Variants in SH3GL3 observed in about 807,000 individuals in gnomAD.
The protein encoded by SH3GL3 is SH3 domain containing GRB2 like 3, endophilin A3.
A neutral mutation model predicts 47.7 loss-of-function variants in SH3GL3; 33 were observed. The ratio of observed to expected loss-of-function variants is 0.69; its 90% CI spans 0.52 to 0.92. The LOEUF (loss-of-function observed/expected upper bound fraction) is 0.92. Among genes scored for constraint, SH3GL3 ranks in the 40% least tolerant of loss-of-function variants. The probability of loss-of-function intolerance (pLI) is 0.00; values close to 1 mark genes in which losing one functional copy is unlikely to be tolerated. For missense variants in SH3GL3, 363 were observed against 417.8 expected, an observed-to-expected ratio of 0.87 and a Z score of 1.14; for synonymous variants, 155 against 148.8, an observed-to-expected ratio of 1.04 and a Z score of -0.30.
At chr15:83,562,030 AACACACAC>A (rs55856428) in intron 2 of SH3GL3, among the ~76,000 whole-genome samples, 7,742 of 132,846 alleles carry the variant, frequency 0.058, 231 homozygotes, top group Non-Finnish European at 0.085. Context: ...ACACACACAC[AACACACAC>A]ACACACACAC....
chr15:83,611,268 C>G (rs2060658994), intron 8 of SH3GL3: 1 of 151,302 alleles, frequency 6.6e-6, no homozygotes, highest in African/African-American at 2.5e-5. Flanking sequence ...CTCTCTCTTT[C>G]TCTTTTTCCT....
At chr15:83,450,804 A>ATTTTTTTTTTTTTTTTTTTTTTTTTTTTT (rs34099509) in intron 1 of SH3GL3, among the ~76,000 whole-genome samples, 1 of 58,790 alleles carries the variant, frequency 1.7e-5, no homozygotes, top group Non-Finnish European at 2.9e-5. Flanking sequence ...TTTTTTTTTA[A>ATTTTTTTTTTTTTTTTTTTTTTTTTTTTT]TTTTTTTTTT....
intron 1 of SH3GL3, among the ~76,000 whole-genome samples, chr15:83,523,037 C>T (rs975982631): frequency 2.4e-4 from 36 of 152,082 alleles, no homozygotes; most frequent in African/African-American, 8.5e-4. Flanking sequence ...TTTAAAATGT[C>T]TTCAATTATA....
chr15:83,537,706 T>C (rs961726426), intron 1 of SH3GL3, among the ~76,000 whole-genome samples: 6 of 152,216 alleles, frequency 3.9e-5, no homozygotes, highest in African/African-American at 9.6e-5. Flanking sequence ...GGAATTTCTC[T>C]GTATCAACTT....
At chr15:83,530,263 C>T (rs543936271) in intron 1 of SH3GL3, among the ~76,000 whole-genome samples, 1 of 152,216 alleles carries the variant, frequency 6.6e-6, no homozygotes, top group East Asian at 1.9e-4. Context: ...CTAGGCAGCT[C>T]CCTGTGCTAG....
At chr15:83,537,437 G>A (rs1014656026) in intron 1 of SH3GL3, among the ~76,000 whole-genome samples, 5 of 152,168 alleles carry the variant, frequency 3.3e-5, no homozygotes, top group African/African-American at 1.2e-4. Flanking sequence ...TACTTACAAG[G>A]CAGATACTGT....
chr15:83,488,941 C>T (rs1019884657), intron 1 of SH3GL3, among the ~76,000 whole-genome samples: 1 of 152,216 alleles, frequency 6.6e-6, no homozygotes, highest in Non-Finnish European at 1.5e-5. Flanking sequence ...GTCTCCCTGA[C>T]CCAGAAGACC....
At chr15:83,578,114 T>C (rs1342594904) in intron 6 of SH3GL3, among the ~76,000 whole-genome samples, 1 of 152,186 alleles carries the variant, frequency 6.6e-6, no homozygotes, top group Non-Finnish European at 1.5e-5. Flanking sequence ...GCCATTTGCT[T>C]TGATTTGATT....
At chr15:83,524,500 A>G (rs949395090) in intron 1 of SH3GL3, among the ~76,000 whole-genome samples, 1 of 152,126 alleles carries the variant, frequency 6.6e-6, no homozygotes, top group African/African-American at 2.4e-5. Context: ...TGTATTTATC[A>G]TTTCCATGTG....
rs878896680 is a variant in SH3GL3 at position 83,618,510 on chromosome 15, G to C, written c.*223G>C. On this transcript the variant is annotated 3_prime_UTR_variant, in exon 9 of 9. Coordinates refer to ENST00000427482, the MANE Select transcript of SH3GL3 (RefSeq NM_003027.5). ...TTCTTTTTTGCTTCCTGTCCTAAAA[G>C]TCATTGGTTAAATGTATTTGCTTCC... The C allele has an allele frequency of 2.6e-5, 13 of 508,502 alleles. No homozygotes were observed. In the South Asian group the frequency reaches 2.8e-4, roughly 11 times the overall value. The allele number at this position is 508,502 out of a possible 1,614,324, so 31.5% of individuals were successfully genotyped here.
intron 1 of SH3GL3, among the ~76,000 whole-genome samples, chr15:83,536,376 G>C (rs2043902943): frequency 7.2e-6 from 1 of 139,618 alleles, no homozygotes; most frequent in African/African-American, 2.7e-5. Flanking sequence ...CCTTGATTCT[G>C]CCTTTTTCTT....
chr15:83,530,610 T>C (rs1231880135), intron 1 of SH3GL3, among the ~76,000 whole-genome samples: 1 of 151,838 alleles, frequency 6.6e-6, no homozygotes, highest in Non-Finnish European at 1.5e-5. Flanking sequence ...CCTCCTCAGG[T>C]CAACTGTTTT....
intron 1 of SH3GL3, among the ~76,000 whole-genome samples, chr15:83,466,177 A>G (rs1011079390): frequency 6.6e-6 from 1 of 152,128 alleles, no homozygotes; most frequent in Non-Finnish European, 1.5e-5. Flanking sequence ...GCGTAATACT[A>G]TATTCACCCA....
chr15:83,606,070 C>G (rs893027102), intron 8 of SH3GL3, among the ~76,000 whole-genome samples: 1 of 151,748 alleles, frequency 6.6e-6, no homozygotes, highest in African/African-American at 2.4e-5. Context: ...TGCTGAAACT[C>G]TTAAAAGGGG....
chr15:83,617,936 G>A lies in SH3GL3; in HGVS notation c.839-146G>A, dbSNP rs1303834975. ...CTGAGGCAGCCAGAGACCACAAACG[G>A]CACCGTGAGCTGGGTGGAGCTGGCC... On this transcript the variant is annotated intron_variant, in intron 8 of 8. Transcript: ENST00000427482. The A allele has an allele frequency of 3.2e-5, 20 of 623,554 alleles. No individual in the cohort carries two copies. The Middle Eastern group carries it at 1.3e-3, about 39-fold the overall frequency. 38.6% of individuals were successfully genotyped at this position (623,554 alleles called of 1,614,324 possible).
At chr15:83,595,140 C>T (rs989245442) in intron 8 of SH3GL3, among the ~76,000 whole-genome samples, 1 of 152,114 alleles carries the variant, frequency 6.6e-6, no homozygotes, top group African/African-American at 2.4e-5. Context: ...AGAAAACGTA[C>T]TACATATATT....
At chr15:83,567,961 TTTTTTTTC>T (rs2045631006) in intron 3 of SH3GL3, among the ~76,000 whole-genome samples, 2 of 148,538 alleles carry the variant, frequency 1.3e-5, no homozygotes, top group South Asian at 2.1e-4. Context: ...TCATTTCTTT[TTTTTTTTC>T]TTTCTTTCTT....
rs576053492 is a variant in SH3GL3, at chr15:83,476,306, C to T, written c.45+28728C>T. ...AGTACAGTACAGTATTTGTTACCATCGCATGAGATAAATATTTGTGTTTGT... is the reference window on the plus strand; with the variant it reads ...AGTACAGTACAGTATTTGTTACCATTGCATGAGATAAATATTTGTGTTTGT... On this transcript the variant is annotated intron_variant, in intron 1 of 8. Transcript: ENST00000427482. Among the ~76,000 whole-genome samples, 4 of 152,296 alleles carry T rather than the reference C, an allele frequency of 2.6e-5. No homozygotes were observed. In the South Asian group the frequency reaches 6.2e-4, roughly 24 times the overall value.
At chr15:83,584,698 T>A (rs1293543697) in intron 6 of SH3GL3, among the ~76,000 whole-genome samples, 1 of 152,184 alleles carries the variant, frequency 6.6e-6, no homozygotes, top group East Asian at 1.9e-4. Flanking sequence ...TCTCTGGAAA[T>A]CCAGTTCCTT....
Sources: allele counts gnomAD v4.1 joint callset (sites outside exome capture counted in the v4.1 genomes callset), GRCh38; gene constraint gnomAD v4.1.1; transcripts MANE v1.5; gene names NCBI Gene and HGNC (gene_info 2026-07-23, HGNC 2026-07-21).